The following SPHKAP variants were observed in gnomAD, a reference collection of about 807,000 sequenced individuals.
SPHKAP encodes A-kinase anchor protein SPHKAP.
SPHKAP carries 67 observed loss-of-function variants against 137.5 expected under a neutral mutation model. The observed-to-expected ratio is 0.49, with a 90% confidence interval of 0.40 to 0.60. The LOEUF is 0.60. Among genes scored for constraint, SPHKAP ranks in the 20% least tolerant of loss-of-function variants. The probability of loss-of-function intolerance (pLI) is 0.00; values close to 1 mark genes in which losing one functional copy is unlikely to be tolerated. For missense variants in SPHKAP, 2,097 were observed against 2,069.3 expected, an observed-to-expected ratio of 1.01 and a Z score of -0.26; for synonymous variants, 813 against 785.3, an observed-to-expected ratio of 1.04 and a Z score of -0.59.
chr2:228,001,558 AATAT>A (rs1184538943), intron 7 of SPHKAP, among the ~76,000 whole-genome samples: 2 of 146,032 alleles, frequency 1.4e-5, no homozygotes, highest in Non-Finnish European at 3.0e-5. Flanking sequence ...TATATATAAA[AATAT>A]ATATACACAC....
rs191318651 is a variant in SPHKAP at position 228,015,676 on chromosome 2, G to A, written c.4448+730C>T. ...ATGTCATAATTTTCTGGAAAAAGCT[G>A]TTTAAATAACAATACTTCAGTGTTG... On this transcript the variant is annotated intron_variant, in intron 7 of 11. Coordinates refer to ENST00000392056, the MANE Select transcript of SPHKAP (RefSeq NM_001142644.2). Among the ~76,000 whole-genome samples the A allele has an allele frequency of 8.1e-3, 1,227 of 152,246 alleles. 18 individuals are homozygous for A. Among genetic ancestry groups the A allele is most frequent in the African/African-American group, 0.027 (1,125 of 41,526 alleles).
In SPHKAP at chr2:228,016,436, T is replaced by C; in HGVS notation, c.4418A>G (p.Asp1473Gly). ...KNIPDVVRGG[D>G]TAVSACQIHS... ...GATTTGACAAGCGCTCACGGCTGTG[T>C]CTCCACCTCTCACCACATCTGGGAT... The change falls in exon 7 of 12, where the codon GAC becomes GGC. Residue 1473 changes from aspartate (D) to glycine (G), a missense_variant. Asp to Gly is a moderately conservative substitution (Grantham distance 94). Coordinates refer to ENST00000392056, the MANE Select transcript of SPHKAP (RefSeq NM_001142644.2). 2 of 1,607,884 alleles carry C rather than the reference T, an allele frequency of 1.2e-6. No individual in the cohort carries two copies. Among genetic ancestry groups the C allele is most frequent in the Non-Finnish European group, 1.7e-6 (2 of 1,177,722 alleles).
At chr2:228,168,567 C>A (rs1469729594) in intron 1 of SPHKAP, among the ~76,000 whole-genome samples, 2 of 152,144 alleles carry the variant, frequency 1.3e-5, no homozygotes, top group East Asian at 3.9e-4. Flanking sequence ...TACAAGAAGG[C>A]AAACTTAATC....
intron 8 of SPHKAP, chr2:227,994,117 T>C: frequency 5.1e-6 from 5 of 974,910 alleles, no homozygotes; most frequent in Non-Finnish European, 4.9e-6. Flanking sequence ...GGACATTCCA[T>C]AGGATTTCAT....
intron 2 of SPHKAP, among the ~76,000 whole-genome samples, chr2:228,113,187 TA>T (rs1698573092): frequency 7.6e-6 from 1 of 131,018 alleles, no homozygotes; most frequent in Non-Finnish European, 1.7e-5. Flanking sequence ...AAATAAGATA[TA>T]TTTTTCCATA....
At position 228,132,046 on chromosome 2, in the gene SPHKAP, C is replaced by T. The variant is rs759151735; in HGVS notation, c.72G>A (p.Pro24=). The change falls in exon 2 of 12, where the codon CCG becomes CCA. Residue 24 remains proline, a synonymous_variant. Transcript: ENST00000392056. ...ESSRMYDVLE[P]QQGRGCGSSG... is the part of the protein sequence containing the mutation. ...AGCTGCCACAGCCTCTGCCCTGCTG[C>T]GGTTCCAAAACGTCATACATCCGTG... The T allele has an allele frequency of 3.7e-6, 6 of 1,614,038 alleles. No homozygotes were observed. Among genetic ancestry groups the T allele is most frequent in the East Asian group, 2.2e-5 (1 of 44,876 alleles).
At chr2:228,086,840 G>A (rs1026563551) in intron 3 of SPHKAP, among the ~76,000 whole-genome samples, 2 of 152,160 alleles carry the variant, frequency 1.3e-5, no homozygotes, top group Non-Finnish European at 1.5e-5. Flanking sequence ...AGTTAATTAA[G>A]AGCAGCAAAT....
chr2:228,174,303 C>CT (rs76289406), intron 1 of SPHKAP, among the ~76,000 whole-genome samples: 229 of 146,152 alleles, frequency 1.6e-3, no homozygotes, highest in African/African-American at 2.7e-3. Context: ...AGGCAGGAAC[C>CT]TTTTTTTTTT....
chr2:228,015,834 T>C (rs1363468363), intron 7 of SPHKAP, among the ~76,000 whole-genome samples: 3 of 152,142 alleles, frequency 2.0e-5, no homozygotes, highest in African/African-American at 7.2e-5. Flanking sequence ...GGAGAGACTC[T>C]ATGGAGAAGA....
At chr2:228,092,176 CA>C (rs1697771677) in intron 3 of SPHKAP, among the ~76,000 whole-genome samples, 1 of 143,542 alleles carries the variant, frequency 7.0e-6, no homozygotes, top group African/African-American at 2.6e-5. Context: ...TGTACACACA[CA>C]TGTGTGTACA....
At chr2:228,128,600 C>T (rs1291889544) in intron 2 of SPHKAP, among the ~76,000 whole-genome samples, 1 of 152,014 alleles carries the variant, frequency 6.6e-6, no homozygotes, top group Non-Finnish European at 1.5e-5. Context: ...TCTACTTTGC[C>T]CAGATCCATC....
intron 2 of SPHKAP, 88 bp downstream of exon 2, chr2:228,131,892 T>G: frequency 6.7e-7 from 1 of 1,497,682 alleles, no homozygotes. Context: ...TATTGTTGTT[T>G]CTACTTTAGG....
rs190803793 is a variant in SPHKAP at position 228,046,586 on chromosome 2, A to G, written c.247-19043T>C. Among the ~76,000 whole-genome samples the G allele has an allele frequency of 7.0e-3, 1,059 of 152,296 alleles. 4 individuals are homozygous for G. Among genetic ancestry groups the G allele is most frequent in the Middle Eastern group, 0.041 (12 of 294 alleles). On this transcript the variant is annotated intron_variant, in intron 3 of 11. Transcript: ENST00000392056. ...ATGCTACCAAAAATCATTGACAGCT[A>G]CAGGATAGGGAACTGAGTTTTTTGT...
chr2:228,175,303 A>G (rs1474717741), intron 1 of SPHKAP, among the ~76,000 whole-genome samples: 1 of 151,506 alleles, frequency 6.6e-6, no homozygotes, highest in Non-Finnish European at 1.5e-5. Context: ...GTTTTTTTTC[A>G]TATTTCTAAT....
chr2:228,096,349 T>C (rs1480924757), intron 3 of SPHKAP, among the ~76,000 whole-genome samples: 1 of 152,130 alleles, frequency 6.6e-6, no homozygotes, highest in Non-Finnish European at 1.5e-5. Flanking sequence ...GTAAACTGCT[T>C]GCTTATCAGA....
In SPHKAP at chr2:228,100,142, G is replaced by A. The variant is rs543776019; in HGVS notation, c.246+8690C>T. Among the ~76,000 whole-genome samples, 26 of 152,212 alleles carry A rather than the reference G, an allele frequency of 1.7e-4. No homozygotes were observed. The East Asian group carries it at 3.5e-3, about 20-fold the overall frequency. ...TGGGATTACAAGCGTGAGCCACTGC[G>A]CCCGGCCCTGGAAATGCTACTGATT... On this transcript the variant is annotated intron_variant, in intron 3 of 11. Coordinates refer to ENST00000392056, the MANE Select transcript of SPHKAP (RefSeq NM_001142644.2).
intron 3 of SPHKAP, among the ~76,000 whole-genome samples, chr2:228,103,446 G>A (rs898698591): frequency 2.0e-5 from 3 of 152,172 alleles, no homozygotes; most frequent in African/African-American, 7.2e-5. Context: ...ACGTAAGGGG[G>A]ATGGACACGA....
intron 7 of SPHKAP, among the ~76,000 whole-genome samples, chr2:228,002,043 T>C (rs192653730): frequency 6.6e-6 from 1 of 152,306 alleles, no homozygotes; most frequent in Non-Finnish European, 1.5e-5. Context: ...TGTGCATGTG[T>C]TTTTATAGCA....
At chr2:228,160,876 TCA>T (rs992501724) in intron 1 of SPHKAP, among the ~76,000 whole-genome samples, 1 of 152,214 alleles carries the variant, frequency 6.6e-6, no homozygotes, top group Non-Finnish European at 1.5e-5. Context: ...TTCTCTGCGC[TCA>T]CAGGTAAACT....
Sources: gnomAD v4.1 joint callset for allele counts (sites outside exome capture counted in the v4.1 genomes callset) on GRCh38, gnomAD v4.1.1 for gene constraint, MANE v1.5 for transcripts, NCBI Gene and HGNC (gene_info 2026-07-23, HGNC 2026-07-21) for gene names.